Variants in MAST2 observed in about 807,000 individuals in gnomAD.
MAST2 encodes the protein microtubule associated serine/threonine kinase 2.
A neutral mutation model predicts 147.4 loss-of-function variants in MAST2; 70 were observed. The ratio of observed to expected loss-of-function variants is 0.47; its 90% CI spans 0.39 to 0.58. The LOEUF (loss-of-function observed/expected upper bound fraction) is 0.58, where lower values mean the gene tolerates loss of function less well. MAST2 is among the 20% of genes least tolerant of loss of function. The pLI, the probability that MAST2 is intolerant of heterozygous loss-of-function variation, is 0.00. For missense variants in MAST2, 2,080 were observed against 2,302.3 expected (o/e 0.90, Z 1.98); for synonymous variants, 869 against 896.8 (o/e 0.97, Z 0.55).
At chr1:45,817,107 C>G (rs1644479873) in intron 1 of MAST2, among the ~76,000 whole-genome samples, 1 of 152,010 alleles carries the variant, frequency 6.6e-6, no homozygotes, top group Non-Finnish European at 1.5e-5. Context: ...CTCCAAAAGG[C>G]AAATCTAAGC....
At chr1:45,834,133 C>T (rs1172028270) in intron 3 of MAST2, among the ~76,000 whole-genome samples, 1 of 152,040 alleles carries the variant, frequency 6.6e-6, no homozygotes, top group Admixed American at 6.6e-5. Flanking sequence ...AGTACATGGA[C>T]CCAGCCTCCA....
At chr1:46,017,440 A>G (rs961872964) in intron 10 of MAST2, among the ~76,000 whole-genome samples, 13 of 152,352 alleles carry the variant, frequency 8.5e-5, no homozygotes, top group Middle Eastern at 3.4e-3. Context: ...ACAAAGGGCT[A>G]ATATCCAGAA....
At chr1:46,000,872 C>A in intron 6 of MAST2, 2 of 984,994 alleles carry the variant, frequency 2.0e-6, no homozygotes, top group Non-Finnish European at 2.8e-6. Flanking sequence ...AAGGAATGTG[C>A]CAAGCTAGAC....
At chr1:46,019,174 C>T (rs547794463) in intron 10 of MAST2, among the ~76,000 whole-genome samples, 2 of 146,870 alleles carry the variant, frequency 1.4e-5, no homozygotes, top group African/African-American at 4.9e-5. Flanking sequence ...TTAGTGTACT[C>T]TCTACACTGC....
chr1:45,825,424 A>T (rs1255456256), intron 2 of MAST2, among the ~76,000 whole-genome samples: 2 of 150,858 alleles, frequency 1.3e-5, no homozygotes, highest in African/African-American at 2.4e-5. Context: ...TTTTAAAAGG[A>T]TGCGATTATC....
intron 3 of MAST2, among the ~76,000 whole-genome samples, chr1:45,841,305 G>A (rs1645266517): frequency 6.6e-6 from 1 of 151,776 alleles, no homozygotes. Context: ...ACTTGTCTCA[G>A]GTTTGTCATT....
intron 3 of MAST2, among the ~76,000 whole-genome samples, chr1:45,868,037 A>C (rs894722636): frequency 6.6e-6 from 1 of 152,204 alleles, no homozygotes; most frequent in African/African-American, 2.4e-5. Context: ...ACATCCCTAC[A>C]TCTTAATGGT....
intron 1 of MAST2, among the ~76,000 whole-genome samples, chr1:45,821,401 T>C (rs762027163): frequency 6.6e-5 from 10 of 152,172 alleles, no homozygotes; most frequent in Non-Finnish European, 1.5e-4. Context: ...TTGGTTATCA[T>C]GTGTCTCCAT....
chr1:45,914,266 G>A (rs1652119566), intron 4 of MAST2, among the ~76,000 whole-genome samples: 1 of 152,226 alleles, frequency 6.6e-6, no homozygotes, highest in Non-Finnish European at 1.5e-5. Flanking sequence ...AGAGGGTATT[G>A]TATTTCTGCC....
chr1:45,880,555 T>C (rs1044141138), intron 3 of MAST2, among the ~76,000 whole-genome samples: 7 of 152,196 alleles, frequency 4.6e-5, no homozygotes, highest in African/African-American at 1.4e-4. Context: ...ATTTAAGATT[T>C]GTACAGTTGA....
chr1:45,935,529 T>A (rs899454428), intron 4 of MAST2, among the ~76,000 whole-genome samples: 8 of 152,234 alleles, frequency 5.3e-5, no homozygotes, highest in Non-Finnish European at 8.8e-5. Flanking sequence ...GTTTTAGGTT[T>A]TACCTGTAAG....
chr1:45,910,300 C>A (rs2148565626), intron 4 of MAST2, among the ~76,000 whole-genome samples: 1 of 151,940 alleles, frequency 6.6e-6, no homozygotes, highest in East Asian at 1.9e-4. Flanking sequence ...TGAATATATT[C>A]TCATCAAAAA....
At chr1:45,839,154 A>G (rs1323552612) in intron 3 of MAST2, among the ~76,000 whole-genome samples, 2 of 65,730 alleles carry the variant, frequency 3.0e-5, no homozygotes, top group Admixed American at 1.5e-4. Context: ...TTTGAGACGG[A>G]GTCTCGCTCT....
At chr1:45,907,463 C>CTTTTTTTT (rs59039717) in intron 4 of MAST2, among the ~76,000 whole-genome samples, 1 of 140,896 alleles carries the variant, frequency 7.1e-6, no homozygotes, top group Non-Finnish European at 1.5e-5. Flanking sequence ...GCCATTTTAA[C>CTTTTTTTT]TTTTTTTTTT....
rs573067782 is a variant in MAST2, at chr1:46,032,315, C to A, written c.3325C>A (p.Arg1109=). ...CATGAGGCCTCCCATCATCATCCACCGAGCTGGCAAGAAGTATGGCTTCAC... is the reference window on the plus strand; with the variant it reads ...CATGAGGCCTCCCATCATCATCCACAGAGCTGGCAAGAAGTATGGCTTCAC... ...GSMRPPIIIH[R]AGKKYGFTLR... The change falls in exon 25 of 29, where the codon CGA becomes AGA. Residue 1109 remains arginine (R), a synonymous_variant. Transcript: ENST00000361297. 1 of 1,614,202 alleles carries A rather than the reference C, an allele frequency of 6.2e-7. No homozygotes were observed. Among genetic ancestry groups the A allele is most frequent in the Admixed American group, 1.7e-5 (1 of 60,032 alleles).
chr1:46,032,230 G>A lies in MAST2; in HGVS notation c.3240G>A (p.Ser1080=), dbSNP rs762449423. 86 of 1,614,010 alleles carry A rather than the reference G, an allele frequency of 5.3e-5. No homozygotes were observed. Among genetic ancestry groups the A allele is most frequent in the Middle Eastern group, 1.6e-4 (1 of 6,084 alleles). The change falls in exon 25 of 29, where the codon TCG becomes TCA. Residue 1080 remains serine (S), a synonymous_variant. Transcript: ENST00000361297. The part of the protein sequence containing the change: ...LASPMSPHSQ[S]SNPSSRDSSP... ...GCCCCATGTCCCCACATTCTCAGTC[G>A]TCCAACCCATCATCCCGGGACTCTT...
intron 4 of MAST2, among the ~76,000 whole-genome samples, chr1:45,882,892 G>A (rs1293913756): frequency 2.6e-5 from 4 of 152,172 alleles, no homozygotes; most frequent in Admixed American, 6.5e-5. Flanking sequence ...AGGGTTAGGG[G>A]AGATTAATAA....
intron 5 of MAST2, among the ~76,000 whole-genome samples, chr1:45,969,204 G>A (rs1051442187): frequency 1.3e-5 from 2 of 152,160 alleles, no homozygotes; most frequent in Admixed American, 6.5e-5. Context: ...TGCTTTTTCT[G>A]TCTCCTCAAA....
intron 16 of MAST2, 135 bp from the exon 17 acceptor site, chr1:46,027,596 C>A: frequency 1.1e-6 from 1 of 904,944 alleles, no homozygotes; most frequent in East Asian, 2.6e-5. Flanking sequence ...TGCCTGTCCC[C>A]CCAGCTGAAG....
Sources: allele counts gnomAD v4.1 joint callset (sites outside exome capture counted in the v4.1 genomes callset), GRCh38; gene constraint gnomAD v4.1.1; transcripts MANE v1.5; gene names NCBI Gene and HGNC (gene_info 2026-07-23, HGNC 2026-07-21).